Variants in NECTIN3 observed in about 807,000 individuals in gnomAD.
NECTIN3 encodes nectin cell adhesion molecule 3.
A neutral mutation model predicts 49.4 loss-of-function variants in NECTIN3; 8 were observed. The observed-to-expected ratio is 0.16, with a 90% CI of 0.10 to 0.29. The LOEUF (loss-of-function observed/expected upper bound fraction) is 0.29, where lower values mean the gene tolerates loss of function less well. Ranked by LOEUF, NECTIN3 falls within the 10% of genes least tolerant of loss-of-function variation. NECTIN3 has a pLI of 1.00. For missense variants in NECTIN3, 581 were observed against 654.6 expected (o/e 0.89, Z 1.23); for synonymous variants, 277 against 241.1 (o/e 1.15, Z -1.38).
At chr3:111,118,344 G>C (rs892027623) in intron 2 of NECTIN3, among the ~76,000 whole-genome samples, 1 of 142,254 alleles carries the variant, frequency 7.0e-6, no homozygotes, top group Non-Finnish European at 1.5e-5. Context: ...AAAGGGAATT[G>C]TGATCTCGTT....
intron 5 of NECTIN3, among the ~76,000 whole-genome samples, chr3:111,143,841 A>G (rs2034809998): frequency 6.6e-6 from 1 of 151,974 alleles, no homozygotes; most frequent in Non-Finnish European, 1.5e-5. Context: ...TCATTGATTG[A>G]ATGGTCTTGG....
In NECTIN3 at chr3:111,112,040, T is replaced by C. The variant is rs2033491072; in HGVS notation, c.171T>C (p.Ala57=). 1 of 1,607,486 alleles carries C rather than the reference T, an allele frequency of 6.2e-7. No homozygotes were observed. Among genetic ancestry groups the C allele is most frequent in the Non-Finnish European group, 8.5e-7 (1 of 1,176,062 alleles). The part of the protein sequence containing the change: ...LLFSRLCGAL[A]GPIIVEPHVT... Reference sequence around the variant, plus strand: ...TTTTTTCCTCCATAGGTGCCTTAGCTGGACCAATTATTGTGGAGCCACATG... The same window carrying C: ...TTTTTTCCTCCATAGGTGCCTTAGCCGGACCAATTATTGTGGAGCCACATG... Residue 57 remains alanine (A), a synonymous_variant, in exon 2 of 6, where the codon GCT becomes GCC. Coordinates refer to ENST00000485303, the MANE Select transcript of NECTIN3 (RefSeq NM_015480.3).
At chr3:111,109,331 G>T (rs1471581152) in intron 1 of NECTIN3, among the ~76,000 whole-genome samples, 3 of 151,898 alleles carry the variant, frequency 2.0e-5, no homozygotes, top group African/African-American at 7.3e-5. Context: ...TTGTTGTTGT[G>T]GTTTTACCTC....
At chr3:111,080,519 A>G (rs949529605) in intron 1 of NECTIN3, among the ~76,000 whole-genome samples, 3 of 152,118 alleles carry the variant, frequency 2.0e-5, no homozygotes, top group African/African-American at 7.2e-5. Flanking sequence ...GCTGCCCTCT[A>G]CAGTCATCTA....
intron 1 of NECTIN3, among the ~76,000 whole-genome samples, chr3:111,079,073 G>A (rs2031428084): frequency 6.6e-6 from 1 of 152,070 alleles, no homozygotes; most frequent in African/African-American, 2.4e-5. Flanking sequence ...TCAGGAGTGT[G>A]CTTGACTCTT....
intron 7 of NECTIN3, among the ~76,000 whole-genome samples, chr3:111,178,118 T>C (rs2035564036): frequency 6.6e-6 from 1 of 152,212 alleles, no homozygotes; most frequent in South Asian, 2.1e-4. Flanking sequence ...TATTTACCAG[T>C]GATAACAAGA....
chr3:111,082,050 T>C (rs1445457752), intron 1 of NECTIN3, among the ~76,000 whole-genome samples: 1 of 152,102 alleles, frequency 6.6e-6, no homozygotes, highest in Non-Finnish European at 1.5e-5. Context: ...CAGAGATAAA[T>C]GACAGTTTTG....
chr3:111,080,945 C>A (rs2031562631), intron 1 of NECTIN3, among the ~76,000 whole-genome samples: 1 of 152,060 alleles, frequency 6.6e-6, no homozygotes, highest in Non-Finnish European at 1.5e-5. Context: ...GCTATGTCTT[C>A]AAGAGTTTAG....
At chr3:111,175,268 G>A (rs965276410) in intron 7 of NECTIN3, among the ~76,000 whole-genome samples, 3 of 151,674 alleles carry the variant, frequency 2.0e-5, no homozygotes, top group African/African-American at 7.3e-5. Context: ...TAGTGGGCAC[G>A]GTGGGCCAAA....
chr3:111,127,128 A>G (rs2034194964), intron 5 of NECTIN3, among the ~76,000 whole-genome samples: 1 of 152,218 alleles, frequency 6.6e-6, no homozygotes, highest in African/African-American at 2.4e-5. Flanking sequence ...ATTAAGAGGT[A>G]AAAGGAAGAG....
chr3:111,134,692 A>AT lies in NECTIN3; in HGVS notation c.*483dup. The AT allele has an allele frequency of 1.2e-6, 1 of 855,316 alleles. No homozygotes were observed. The highest frequency in any genetic ancestry group is 1.4e-6 in the Non-Finnish European group (1 of 711,788). The allele number at this position is 855,316 out of a possible 1,614,324, so 53.0% of individuals were successfully genotyped here. On this transcript the variant is annotated 3_prime_UTR_variant, in exon 6 of 6. Coordinates refer to ENST00000485303, the MANE Select transcript of NECTIN3 (RefSeq NM_015480.3). ...ACTAATTCAAGAAATATTTATATAT[A>AT]TTTTTTAATATACAAAAAATATTTA...
Position 111,083,662 on chromosome 3 carries a change from T to A in NECTIN3, c.160+11485T>A, listed in dbSNP as rs575992018. Among the ~76,000 whole-genome samples, 3 of 152,316 alleles carry A rather than the reference T, an allele frequency of 2.0e-5. No homozygotes were observed. In the South Asian group the frequency reaches 6.2e-4, roughly 32 times the overall value. ...CCAAGCCGAGACATCAGTCAAGGTT[T>A]TATTCACAAACATCAGAAACTTGAC... is the stretch of plus-strand genomic sequence containing the variant. On this transcript the variant is annotated intron_variant, in intron 1 of 5. Transcript: ENST00000485303.
chr3:111,073,516 C>T (rs758883880), intron 1 of NECTIN3: 2 of 152,234 alleles, frequency 1.3e-5, no homozygotes, highest in Admixed American at 6.5e-5. Flanking sequence ...ATTAATTGTA[C>T]GCTGTTTCTG....
chr3:111,078,563 T>C (rs1220264222), intron 1 of NECTIN3, among the ~76,000 whole-genome samples: 2 of 152,172 alleles, frequency 1.3e-5, no homozygotes, highest in African/African-American at 4.8e-5. Context: ...AATATCCCAT[T>C]TAACAAACTA....
At chr3:111,109,317 TTTG>T (rs1412405836) in intron 1 of NECTIN3, among the ~76,000 whole-genome samples, 1 of 152,110 alleles carries the variant, frequency 6.6e-6, no homozygotes, top group Non-Finnish European at 1.5e-5. Flanking sequence ...TCTTACTCCC[TTTG>T]TTGTTGTTGT....
intron 5 of NECTIN3, 54 bp from the exon 6 acceptor site, chr3:111,133,581 G>T (rs1475647258): frequency 6.4e-7 from 1 of 1,555,130 alleles, no homozygotes; most frequent in Non-Finnish European, 8.7e-7. Context: ...GAATCAGCCT[G>T]CATTGACATT....
At chr3:111,076,076 T>C (rs962958106) in intron 1 of NECTIN3, among the ~76,000 whole-genome samples, 6 of 152,110 alleles carry the variant, frequency 3.9e-5, no homozygotes, top group Non-Finnish European at 7.4e-5. Flanking sequence ...AAATAATAAT[T>C]GGAAAAGCTG....
chr3:111,180,380 C>T lies in NECTIN3; in HGVS notation c.1222-11971C>T, dbSNP rs376968699. 9.2e-5 allele frequency among the ~76,000 whole-genome samples: 14 copies of T among 152,226 alleles called. No homozygotes were observed. In the South Asian group the frequency reaches 1.9e-3, roughly 20 times the overall value. ...GAGAGACATTCATATGACTAGCGTA[C>T]GCATATGTGTAATTATCTTGGAGAA... On this transcript the variant is annotated intron_variant, in intron 7 of 8. Transcript: ENST00000493615.
At position 111,075,709 on chromosome 3, in the gene NECTIN3, TTA is replaced by T. The variant is rs1259968596; in HGVS notation, c.160+3537_160+3538del. 1.6e-4 allele frequency among the ~76,000 whole-genome samples: 25 copies of T among 152,254 alleles called. 1 individual carries two copies. The highest frequency in any genetic ancestry group is 1.4e-3 in the Admixed American group (22 of 15,272). On this transcript the variant is annotated intron_variant, in intron 1 of 5. Transcript: ENST00000485303. ...TCTTCAAATATTTGTTAAATTTACT[TTA>T]TATAAATATACAGATGAGTATTCAG...
Sources: gnomAD v4.1 joint callset for allele counts (sites outside exome capture counted in the v4.1 genomes callset) on GRCh38, gnomAD v4.1.1 for gene constraint, MANE v1.5 for transcripts, NCBI Gene and HGNC (gene_info 2026-07-23, HGNC 2026-07-21) for gene names.